SBNO1: variants seen among roughly 807,000 people sequenced by gnomAD.
SBNO1 encodes protein strawberry notch homolog 1.
A neutral mutation model predicts 173.6 loss-of-function variants in SBNO1; 23 were observed. That is an observed-to-expected ratio of 0.13 (90% CI 0.10 to 0.19). SBNO1 has a LOEUF of 0.19. Among genes scored for constraint, SBNO1 ranks in the 10% least tolerant of loss-of-function variants. The pLI is 1.00. For missense variants in SBNO1, 1,238 were observed against 1,671.2 expected, an observed-to-expected ratio of 0.74 and a Z score of 4.52; for synonymous variants, 632 against 571.5, an observed-to-expected ratio of 1.11 and a Z score of -1.51.
chr12:123,345,060 T>C (rs2139053834), intron 4 of SBNO1, among the ~76,000 whole-genome samples, 198 bp downstream of exon 4: 1 of 152,342 alleles, frequency 6.6e-6, no homozygotes, highest in East Asian at 1.9e-4. Context: ...GAAATCACAT[T>C]TCAAAGCTAA....
chr12:123,330,425 T>G lies in SBNO1; in HGVS notation c.1128A>C (p.Leu376Phe). The change falls in exon 9 of 32, where the codon TTA (leucine) becomes TTC (phenylalanine). Residue 376 changes from leucine to phenylalanine, a missense_variant. Physicochemically the swap from Leu to Phe is conservative, Grantham distance 22. This residue lies in a region of SBNO1 where 56 missense variants were observed against 65.1 expected (regional missense o/e 0.86). Transcript: ENST00000602398. ...IGAKNILVHS[L>F]NKFKYGKISS... ...GAATAAAAAGATTTCATACCTTATT[T>G]AACGAATGAACCAAAATGTTTTTTG... 6.4e-7 allele frequency: 1 copy of G among 1,550,552 alleles called. No individual in the cohort carries two copies. Among genetic ancestry groups the G allele is most frequent in the Non-Finnish European group, 8.9e-7 (1 of 1,128,132 alleles).
chr12:123,313,520 T>C (rs1868879333), intron 24 of SBNO1, 100 bp downstream of exon 24: 2 of 632,640 alleles, frequency 3.2e-6, no homozygotes, highest in African/African-American at 1.8e-5. Flanking sequence ...ACAATTTATG[T>C]CCAAAGAAAA....
chr12:123,341,298 A>G (rs1384144556), intron 4 of SBNO1, among the ~76,000 whole-genome samples: 1 of 151,916 alleles, frequency 6.6e-6, no homozygotes, highest in East Asian at 1.9e-4. Context: ...AAAATACAGA[A>G]ACAAGCTGGG....
intron 20 of SBNO1, among the ~76,000 whole-genome samples, chr12:123,319,055 C>T (rs556612216): frequency 1.3e-5 from 2 of 151,762 alleles, no homozygotes; most frequent in African/African-American, 4.8e-5. Flanking sequence ...CCCCTGCCTC[C>T]CAGGTTCCAG....
intron 15 of SBNO1, 138 bp downstream of exon 15, chr12:123,325,356 ACAGAAAAG>A: frequency 1.6e-6 from 1 of 614,058 alleles, no homozygotes; most frequent in South Asian, 2.0e-5. Flanking sequence ...ATACACTGTT[ACAGAAAAG>A]CAGAAAACTC....
chr12:123,313,526 G>T, intron 24 of SBNO1, 94 bp downstream of exon 24: 1 of 660,652 alleles, frequency 1.5e-6, no homozygotes. Flanking sequence ...TATGTCCAAA[G>T]AAAAAAACTA....
At chr12:123,296,330 G>C (rs1049710387) in intron 31 of SBNO1, among the ~76,000 whole-genome samples, 4 of 152,174 alleles carry the variant, frequency 2.6e-5, no homozygotes, top group East Asian at 1.9e-4. Context: ...TTTTTAACAG[G>C]AGGTTAAGAA....
At chr12:123,334,014 G>C in intron 7 of SBNO1, 39 bp downstream of exon 7, 1 of 1,374,756 alleles carries the variant, frequency 7.3e-7, no homozygotes, top group Non-Finnish European at 9.9e-7. Context: ...TATAGAATAG[G>C]ATAAAATAAT....
At chr12:123,349,978 C>A (rs1456499076) in intron 2 of SBNO1, among the ~76,000 whole-genome samples, 11 of 151,900 alleles carry the variant, frequency 7.2e-5, no homozygotes, top group Non-Finnish European at 1.5e-5. Flanking sequence ...TAAAATTGGG[C>A]CAAGCTTGGC....
chr12:123,328,164 T>G, intron 10 of SBNO1, 137 bp from the exon 11 acceptor site: 2 of 607,350 alleles, frequency 3.3e-6, no homozygotes, highest in Non-Finnish European at 2.7e-6. Context: ...GGAAGTCCTA[T>G]GGGCCTTTCC....
rs1471287236 is a variant in SBNO1 at position 123,295,347 on chromosome 12, C to T, written c.*561G>A. On this transcript the variant is annotated 3_prime_UTR_variant, in exon 32 of 32. Transcript: ENST00000602398. ...GTTTCAGCATGCTTCCAAAGACATG[C>T]ACTGTCAGAACAAAAATTAGAAAAT... 3 of 152,220 alleles carry T rather than the reference C, an allele frequency of 2.0e-5. No individual in the cohort carries two copies. The highest frequency in any genetic ancestry group is 7.2e-5 in the African/African-American group (3 of 41,440). 9.4% of individuals were successfully genotyped at this position (152,220 alleles called of 1,614,324 possible). A position where few individuals can be genotyped will look rare whatever the true frequency, so the allele number is the denominator to read the frequency against.
intron 15 of SBNO1, among the ~76,000 whole-genome samples, chr12:123,324,478 C>T (rs1213101931): frequency 3.9e-5 from 6 of 151,952 alleles, no homozygotes; most frequent in Non-Finnish European, 7.4e-5. Context: ...CCCGCCACCA[C>T]GCCTGGCTAG....
At chr12:123,300,985 A>C (rs1424332469) in intron 30 of SBNO1, among the ~76,000 whole-genome samples, 1 of 132,216 alleles carries the variant, frequency 7.6e-6, no homozygotes, top group East Asian at 1.9e-4. Context: ...AAAAACAAAA[A>C]AAAAACCCAA....
chr12:123,317,072 A>G (rs1869375933), intron 21 of SBNO1, 149 bp downstream of exon 21: 1 of 761,080 alleles, frequency 1.3e-6, no homozygotes, highest in Non-Finnish European at 2.2e-6. Context: ...TCCCGGACTC[A>G]AGTTATCCTC....
rs989283252 is a variant in SBNO1, at chr12:123,293,776, A to C, written c.*2132T>G. 8 of 152,184 alleles carry C rather than the reference A, an allele frequency of 5.3e-5. No individual in the cohort carries two copies. Among genetic ancestry groups the C allele is most frequent in the Non-Finnish European group, 7.3e-5 (5 of 68,038 alleles). The allele number at this position is 152,184 out of a possible 1,614,324, so 9.4% of individuals were successfully genotyped here. ...TGCTTTGAAAACGCCATAAAAAACT[A>C]AGATGCCCTCATACACAGAAAAGAG... On this transcript the variant is annotated 3_prime_UTR_variant, in exon 32 of 32. Coordinates refer to ENST00000602398, the MANE Select transcript of SBNO1 (RefSeq NM_001167856.3).
chr12:123,308,994 C>T (rs944582783), intron 28 of SBNO1, among the ~76,000 whole-genome samples: 3 of 151,874 alleles, frequency 2.0e-5, no homozygotes, highest in Admixed American at 1.3e-4. Flanking sequence ...CTCAGCTACT[C>T]GGGAGGCAGA....
At chr12:123,328,063 T>G (rs1311571867) in intron 10 of SBNO1, 36 bp from the exon 11 acceptor site, 6 of 1,527,818 alleles carry the variant, frequency 3.9e-6, no homozygotes, top group Non-Finnish European at 5.4e-6. Context: ...ATCACATTAG[T>G]ATTAAGTAAG....
rs1172894091 is a variant in SBNO1 at position 123,311,118 on chromosome 12, C to G, written c.3232G>C (p.Gly1078Arg). 4 of 1,613,028 alleles carry G rather than the reference C, an allele frequency of 2.5e-6. No individual in the cohort carries two copies. The highest frequency in any genetic ancestry group is 3.4e-6 in the Non-Finnish European group (4 of 1,179,100). Residue 1078 changes from glycine (G) to arginine (R), a missense_variant, in exon 25 of 32, where the codon GGA (glycine) becomes CGA (arginine). By Grantham distance (125) the Gly-to-Arg change is moderately radical. Coordinates refer to ENST00000602398, the MANE Select transcript of SBNO1 (RefSeq NM_001167856.3). ...PGEFFKDVRQ[G>R]LIGVGLINVE... ...TTTATCAGGCCAACGCCTATCAGTC[C>G]TTGTCGAACATCTGTAAGAACAGGA...
rs538218167 is a variant in SBNO1, at chr12:123,299,681, C to CAAAAAAAAAAAAAAAAAAAAA, written c.3846-1511_3846-1510insTTTTTTTTTTTTTTTTTTTTT. Among the ~76,000 whole-genome samples the CAAAAAAAAAAAAAAAAAAAAA allele has an allele frequency of 1.9e-4, 18 of 93,890 alleles. 1 individual carries two copies. Among genetic ancestry groups the CAAAAAAAAAAAAAAAAAAAAA allele is most frequent in the East Asian group, 7.8e-4 (2 of 2,576 alleles). 61.6% of individuals were successfully genotyped at this position (93,890 alleles called of 152,430 possible). A position where few individuals can be genotyped will look rare whatever the true frequency, so the allele number is the denominator to read the frequency against. On this transcript the variant is annotated intron_variant, in intron 30 of 31. Transcript: ENST00000602398. ...GGGCGACACAGCAAGACTCTGTCTT[C>CAAAAAAAAAAAAAAAAAAAAA]AAAAAAAAAAAAAAAAAACAAAAAA...
Sources: gnomAD v4.1 joint callset for allele counts (sites outside exome capture counted in the v4.1 genomes callset) on GRCh38, gnomAD v4.1.1 for gene constraint, gnomAD v4.1.1 regional missense constraint, MANE v1.5 for transcripts, NCBI Gene and HGNC (gene_info 2026-07-23, HGNC 2026-07-21) for gene names.